RPS6KC1: variants seen among roughly 807,000 people sequenced by gnomAD.
The protein encoded by RPS6KC1 is ribosomal protein S6 kinase C1.
RPS6KC1 carries 54 observed loss-of-function variants against 103.8 expected under a neutral mutation model. That is an observed-to-expected ratio of 0.52 (90% confidence interval 0.42 to 0.65). The LOEUF is 0.65. Among genes scored for constraint, RPS6KC1 ranks in the 30% least tolerant of loss-of-function variants. The pLI is 0.00. For missense variants in RPS6KC1, 1,151 were observed against 1,253.8 expected, an observed-to-expected ratio of 0.92 and a Z score of 1.24; for synonymous variants, 439 against 438.7, an observed-to-expected ratio of 1.00 and a Z score of -0.01.
the RPS6KC1 span, among the ~76,000 whole-genome samples, chr1:213,505,880 G>T: frequency 2.0e-3 from 298 of 152,208 alleles, no homozygotes; most frequent in African/African-American, 6.6e-3. Flanking sequence ...CATGTTTTCT[G>T]TCTCTGGCTT....
chr1:213,662,443 T>TG, the RPS6KC1 span, among the ~76,000 whole-genome samples: 7 of 149,452 alleles, frequency 4.7e-5, no homozygotes, highest in East Asian at 1.4e-3. Flanking sequence ...TTTTTTTTTT[T>TG]TTTTTGTATT....
intron 8 of RPS6KC1, among the ~76,000 whole-genome samples, chr1:213,220,557 C>A (rs1411367760): frequency 3.9e-5 from 6 of 152,196 alleles, no homozygotes; most frequent in Non-Finnish European, 8.8e-5. Flanking sequence ...AACTCCTGGC[C>A]TCAGCAATCT....
the RPS6KC1 span, among the ~76,000 whole-genome samples, chr1:213,788,256 C>A: frequency 2.0e-5 from 3 of 152,178 alleles, no homozygotes; most frequent in African/African-American, 4.8e-5. Flanking sequence ...TTGCTCTAAG[C>A]AGTGGCAAAA....
chr1:213,180,942 C>T (rs146498466), intron 8 of RPS6KC1, among the ~76,000 whole-genome samples: 4 of 152,114 alleles, frequency 2.6e-5, no homozygotes, highest in Non-Finnish European at 5.9e-5. Flanking sequence ...TATAAAGGAG[C>T]CCATAGTTTA....
chr1:213,630,732 G>A, the RPS6KC1 span, among the ~76,000 whole-genome samples: 1 of 152,188 alleles, frequency 6.6e-6, no homozygotes, highest in African/African-American at 2.4e-5. Context: ...CTTTGATGAT[G>A]GTGATGTACA....
At chr1:213,712,182 G>A in the RPS6KC1 span, among the ~76,000 whole-genome samples, 1 of 152,210 alleles carries the variant, frequency 6.6e-6, no homozygotes, top group African/African-American at 2.4e-5. Flanking sequence ...TCTGACTGGG[G>A]CTGCTGCCTT....
the RPS6KC1 span, among the ~76,000 whole-genome samples, chr1:213,574,618 G>C: frequency 6.6e-6 from 1 of 151,924 alleles, no homozygotes; most frequent in East Asian, 1.9e-4. Flanking sequence ...CCAGGACATG[G>C]TCATATAATG....
chr1:213,549,496 G>C, the RPS6KC1 span, among the ~76,000 whole-genome samples: 3 of 152,190 alleles, frequency 2.0e-5, no homozygotes, highest in African/African-American at 7.2e-5. Context: ...ATAAAGAAGG[G>C]CCAAAGAAAA....
the RPS6KC1 span, among the ~76,000 whole-genome samples, chr1:213,702,378 A>G: frequency 3.9e-5 from 6 of 152,036 alleles, no homozygotes; most frequent in Admixed American, 1.3e-4. Context: ...AAGGAAAAGA[A>G]TTTATATTCT....
At chr1:213,330,523 G>A in the RPS6KC1 span, among the ~76,000 whole-genome samples, 2 of 152,170 alleles carry the variant, frequency 1.3e-5, no homozygotes, top group East Asian at 3.8e-4. Context: ...GTGTGCAATC[G>A]GGGTTGTGAA....
intron 3 of RPS6KC1, among the ~76,000 whole-genome samples, chr1:213,103,958 A>T (rs766940628): frequency 6.6e-6 from 1 of 152,184 alleles, no homozygotes; most frequent in Non-Finnish European, 1.5e-5. Flanking sequence ...TCACACGTTG[A>T]ATTTAGCATA....
At chr1:213,177,885 C>T (rs2091979864) in intron 8 of RPS6KC1, among the ~76,000 whole-genome samples, 1 of 151,964 alleles carries the variant, frequency 6.6e-6, no homozygotes, top group African/African-American at 2.4e-5. Context: ...CTAGTAATAG[C>T]TAGTAGTCTC....
At chr1:213,670,988 G>T in the RPS6KC1 span, among the ~76,000 whole-genome samples, 2 of 152,196 alleles carry the variant, frequency 1.3e-5, no homozygotes, top group African/African-American at 4.8e-5. Flanking sequence ...AGGACAATGG[G>T]TGGGGGATTT....
chr1:213,688,340 T>C, the RPS6KC1 span, among the ~76,000 whole-genome samples: 2 of 152,184 alleles, frequency 1.3e-5, no homozygotes, highest in African/African-American at 4.8e-5. Context: ...ATAATACTTA[T>C]ATCACCTCTT....
chr1:213,732,775 G>C, the RPS6KC1 span, among the ~76,000 whole-genome samples: 1 of 152,024 alleles, frequency 6.6e-6, no homozygotes, highest in Non-Finnish European at 1.5e-5. Context: ...GTAATATGAG[G>C]ATGAAAATAT....
the RPS6KC1 span, among the ~76,000 whole-genome samples, chr1:213,422,794 G>C: frequency 6.6e-6 from 1 of 152,206 alleles, no homozygotes; most frequent in Non-Finnish European, 1.5e-5. Context: ...TGTTTGTATT[G>C]ACACCATATT....
the RPS6KC1 span, among the ~76,000 whole-genome samples, chr1:213,386,085 C>T: frequency 6.6e-6 from 1 of 152,148 alleles, no homozygotes; most frequent in Admixed American, 6.5e-5. Flanking sequence ...TCATGAATGG[C>T]TTGGTGCTGT....
Position 213,241,201 on chromosome 1 carries a change from C to A in RPS6KC1, c.1725C>A (p.Asn575Lys), listed in dbSNP as rs371947868. ...CTCACGAGCTGAAGTTCTTCCCCAACGATGACCCAGAAGCAGTTAGTTCTC... is the reference window on the plus strand; with the variant it reads ...CTCACGAGCTGAAGTTCTTCCCCAAAGATGACCCAGAAGCAGTTAGTTCTC... ...LRAHELKFFP[N>K]DDPEAVSSPR... is the part of the protein sequence containing the mutation. The change falls in exon 11 of 15, where the codon AAC becomes AAA. Residue 575 changes from asparagine (N) to lysine (K), a missense_variant. Transcript: ENST00000366960. 6.2e-7 allele frequency: 1 copy of A among 1,613,728 alleles called. No homozygotes were observed. The highest frequency in any genetic ancestry group is 1.1e-5 in the South Asian group (1 of 91,060).
the RPS6KC1 span, among the ~76,000 whole-genome samples, chr1:213,440,593 T>TAC: frequency 1.0e-5 from 1 of 100,394 alleles, no homozygotes; most frequent in South Asian, 4.0e-4. Flanking sequence ...TTAATGGAAC[T>TAC]AAAAAAAAAA....
Sources: allele counts gnomAD v4.1 joint callset (sites outside exome capture counted in the v4.1 genomes callset), GRCh38; gene constraint gnomAD v4.1.1; transcripts MANE v1.5; gene names NCBI Gene and HGNC (gene_info 2026-07-23, HGNC 2026-07-21).